GATAD2A: variants seen among roughly 807,000 people sequenced by gnomAD.
GATAD2A encodes transcriptional repressor p66-alpha.
GATAD2A carries 12 observed loss-of-function variants against 68.5 expected under a neutral mutation model. That is an observed-to-expected ratio of 0.18 (90% CI 0.11 to 0.28). GATAD2A has a LOEUF of 0.28. Ranked by LOEUF, GATAD2A falls within the 10% of genes least tolerant of loss-of-function variation. The probability of loss-of-function intolerance (pLI) is 1.00; values close to 1 mark genes in which losing one functional copy is unlikely to be tolerated. For missense variants in GATAD2A, 755 were observed against 868.5 expected, an observed-to-expected ratio of 0.87 and a Z score of 1.64; for synonymous variants, 410 against 375.3, an observed-to-expected ratio of 1.09 and a Z score of -1.07.
intron 1 of GATAD2A, among the ~76,000 whole-genome samples, chr19:19,454,026 T>C (rs1282420283): frequency 6.8e-6 from 1 of 147,066 alleles, no homozygotes; most frequent in Non-Finnish European, 1.5e-5. Flanking sequence ...AGACAGAGTT[T>C]CGTTCTTGTT....
At chr19:19,452,649 TC>T (rs2056511866) in intron 1 of GATAD2A, among the ~76,000 whole-genome samples, 1 of 151,698 alleles carries the variant, frequency 6.6e-6, no homozygotes, top group Non-Finnish European at 1.5e-5. Context: ...GCAGGACAGG[TC>T]CTGGTGGTTC....
At chr19:19,465,307 G>A in intron 1 of GATAD2A, 33 bp from the exon 2 acceptor site, 5 of 1,565,180 alleles carry the variant, frequency 3.2e-6, no homozygotes, top group East Asian at 2.2e-5. Flanking sequence ...ATTGCACCCA[G>A]TTAAAATGTT....
intron 1 of GATAD2A, chr19:19,440,009 G>A (rs2054818111): frequency 5.5e-6 from 1 of 181,026 alleles, no homozygotes; most frequent in Admixed American, 6.3e-5. Flanking sequence ...ACAAAGCTGG[G>A]AATGACTTAG....
chr19:19,421,921 A>G (rs529786413), intron 1 of GATAD2A, among the ~76,000 whole-genome samples: 1 of 151,974 alleles, frequency 6.6e-6, no homozygotes, highest in East Asian at 1.9e-4. Context: ...CCCTGGGTTC[A>G]AGCAGTTCTC....
chr19:19,390,262 G>T (rs1203641229), intron 1 of GATAD2A, among the ~76,000 whole-genome samples: 4 of 152,086 alleles, frequency 2.6e-5, no homozygotes, highest in African/African-American at 9.7e-5. Context: ...GTGTCAAGTT[G>T]CTTACTGATG....
intron 2 of GATAD2A, among the ~76,000 whole-genome samples, chr19:19,467,989 T>C (rs931645443): frequency 3.3e-5 from 5 of 152,198 alleles, no homozygotes; most frequent in Non-Finnish European, 7.3e-5. Flanking sequence ...CTACATAAAT[T>C]GAGGGTGGAG....
intron 1 of GATAD2A, among the ~76,000 whole-genome samples, chr19:19,399,245 C>CTT (rs79556962): frequency 2.1e-5 from 3 of 145,562 alleles, no homozygotes; most frequent in Non-Finnish European, 3.0e-5. Context: ...CAAAAACCTA[C>CTT]TTTTTTTTTT....
intron 1 of GATAD2A, among the ~76,000 whole-genome samples, chr19:19,393,418 G>C (rs2048994168): frequency 6.6e-6 from 1 of 152,168 alleles, no homozygotes; most frequent in African/African-American, 2.4e-5. Flanking sequence ...TTAAAAATTA[G>C]AAAGTGTTAA....
At chr19:19,454,043 G>A (rs1368641485) in intron 1 of GATAD2A, among the ~76,000 whole-genome samples, 1 of 151,048 alleles carries the variant, frequency 6.6e-6, no homozygotes, top group Non-Finnish European at 1.5e-5. Flanking sequence ...TGTTGCCCAG[G>A]CTGGAGTGCA....
At chr19:19,422,200 A>G (rs937666920) in intron 1 of GATAD2A, among the ~76,000 whole-genome samples, 2 of 152,194 alleles carry the variant, frequency 1.3e-5, no homozygotes, top group Non-Finnish European at 2.9e-5. Context: ...TTCATACTGA[A>G]GCCTCTTCCC....
intron 1 of GATAD2A, among the ~76,000 whole-genome samples, chr19:19,398,052 C>T (rs1036692270): frequency 4.0e-5 from 6 of 151,566 alleles, no homozygotes; most frequent in South Asian, 2.1e-4. Context: ...TACAGGCATG[C>T]GCCACCAGGC....
intron 1 of GATAD2A, among the ~76,000 whole-genome samples, chr19:19,454,347 C>T (rs1412933607): frequency 6.6e-6 from 1 of 150,914 alleles, no homozygotes; most frequent in Non-Finnish European, 1.5e-5. Flanking sequence ...CCTGTAATCC[C>T]AGCACTTTGG....
intron 1 of GATAD2A, among the ~76,000 whole-genome samples, chr19:19,454,947 G>T (rs1046451504): frequency 6.6e-5 from 10 of 152,206 alleles, no homozygotes; most frequent in Admixed American, 6.5e-4. Flanking sequence ...CAAGGTGGTG[G>T]CCTGTTTTGG....
chr19:19,398,685 C>T (rs2049456378), intron 1 of GATAD2A, among the ~76,000 whole-genome samples: 3 of 151,876 alleles, frequency 2.0e-5, no homozygotes, highest in African/African-American at 7.2e-5. Context: ...CGCCTGTAAT[C>T]CCAACATTTT....
intron 1 of GATAD2A, among the ~76,000 whole-genome samples, chr19:19,447,210 C>A (rs1730329907): frequency 6.6e-6 from 1 of 152,070 alleles, no homozygotes. Flanking sequence ...TTTGCATTAT[C>A]AGCTGAGACC....
In GATAD2A at chr19:19,505,430, A is replaced by G. The variant is rs1328755422; in HGVS notation, c.1861A>G (p.Met621Val). 3.1e-6 allele frequency: 5 copies of G among 1,612,156 alleles called. No homozygotes were observed. Among genetic ancestry groups the G allele is most frequent in the Admixed American group, 3.3e-5 (2 of 59,898 alleles). ...VDRQREYLLD[M>V]IPPRSIPQSA... ...CCGCCAGCGAGAGTACCTCCTGGAC[A>G]TGATCCCACCCCGCTCCATCCCCCA... The change falls in exon 12 of 12, where the codon ATG becomes GTG. Residue 621 changes from methionine (M) to valine (V), a missense_variant. Physicochemically the swap from Met to Val is conservative, Grantham distance 21 (BLOSUM62 1). Transcript: ENST00000683918.
chr19:19,488,466 C>T (rs1224269330), intron 2 of GATAD2A, among the ~76,000 whole-genome samples: 4 of 152,252 alleles, frequency 2.6e-5, no homozygotes, highest in Non-Finnish European at 5.9e-5. Context: ...GTCCCAGCCT[C>T]CAAGGACAGC....
chr19:19,496,940 T>C (rs2060194805), intron 7 of GATAD2A, among the ~76,000 whole-genome samples: 1 of 152,214 alleles, frequency 6.6e-6, no homozygotes, highest in East Asian at 1.9e-4. Context: ...CTCTGGGCAG[T>C]GTCCCTGCCT....
chr19:19,492,665 A>G lies in GATAD2A; in HGVS notation c.487A>G (p.Lys163Glu). The G allele has an allele frequency of 6.2e-7, 1 of 1,614,102 alleles. No individual in the cohort carries two copies. The highest frequency in any genetic ancestry group is 8.5e-7 in the Non-Finnish European group (1 of 1,179,952). ...RLEEAKLVLLKKLRQSQIQKE... is the reference protein window; with the variant it reads ...RLEEAKLVLLEKLRQSQIQKE... Reference sequence around the variant, plus strand: ...AGAAGAAGCAAAACTCGTGTTGTTGAAAAAGTTGCGGCAGAGTCAAATACA... The same window carrying G: ...AGAAGAAGCAAAACTCGTGTTGTTGGAAAAGTTGCGGCAGAGTCAAATACA... Residue 163 changes from lysine (K) to glutamate (E), a missense_variant, in exon 4 of 12, where the codon AAA (lysine) becomes GAA (glutamate). By Grantham distance (56) the Lys-to-Glu change is moderately conservative. Transcript: ENST00000683918.
Sources: allele counts gnomAD v4.1 joint callset (sites outside exome capture counted in the v4.1 genomes callset), GRCh38; gene constraint gnomAD v4.1.1; transcripts MANE v1.5; gene names NCBI Gene and HGNC (gene_info 2026-07-23, HGNC 2026-07-21).